IMPG1: variants seen among roughly 807,000 people sequenced by gnomAD.
IMPG1 encodes interphotoreceptor matrix proteoglycan 1.
In IMPG1, 85 loss-of-function variants were observed where a neutral mutation model predicts 92.0. The ratio of observed to expected loss-of-function variants is 0.92; its 90% CI spans 0.78 to 1.11. The LOEUF (loss-of-function observed/expected upper bound fraction) is 1.11, where lower values mean the gene tolerates loss of function less well. Among genes scored for constraint, IMPG1 ranks in the 50% least tolerant of loss-of-function variants. IMPG1 has a pLI of 0.00. For missense variants in IMPG1, 1,022 were observed against 956.0 expected (o/e 1.07, Z -0.91); for synonymous variants, 367 against 334.1 (o/e 1.10, Z -1.08).
chr6:75,980,581 A>G (rs1031999106), intron 12 of IMPG1, among the ~76,000 whole-genome samples: 1 of 152,198 alleles, frequency 6.6e-6, no homozygotes, highest in African/African-American at 2.4e-5. Flanking sequence ...TGACTTGCTG[A>G]GGCTTCTAGC....
At chr6:76,070,561 A>G (rs1582143877) in intron 1 of IMPG1, among the ~76,000 whole-genome samples, 1 of 152,334 alleles carries the variant, frequency 6.6e-6, no homozygotes, top group East Asian at 1.9e-4. Context: ...ATAGGGAATC[A>G]ACCCTAGTGA....
intron 12 of IMPG1, among the ~76,000 whole-genome samples, chr6:75,999,671 C>T (rs1485001845): frequency 6.6e-6 from 1 of 152,172 alleles, no homozygotes; most frequent in African/African-American, 2.4e-5. Context: ...GTCATTTCTA[C>T]TCCCATTTGG....
At chr6:75,947,617 A>G in intron 13 of IMPG1, 84 bp from the exon 14 acceptor site, 1 of 908,210 alleles carries the variant, frequency 1.1e-6, no homozygotes, top group Middle Eastern at 2.7e-4. Flanking sequence ...CTTTTCATTA[A>G]CCGAGACATA....
At chr6:76,062,051 C>T (rs534736581) in intron 1 of IMPG1, among the ~76,000 whole-genome samples, 1 of 152,238 alleles carries the variant, frequency 6.6e-6, no homozygotes, top group Admixed American at 6.5e-5. Context: ...TATTCTGTAT[C>T]TAGCACAGTA....
In IMPG1 at chr6:76,005,549, G is replaced by A. The variant is rs774392688; in HGVS notation, c.888-15C>T. 6.2e-7 allele frequency: 1 copy of A among 1,611,332 alleles called. No homozygotes were observed. The highest frequency in any genetic ancestry group is 2.2e-5 in the East Asian group (1 of 44,842). On this transcript the variant is annotated splice_polypyrimidine_tract_variant and intron_variant, in intron 9 of 16. Coordinates refer to ENST00000369950, the MANE Select transcript of IMPG1 (RefSeq NM_001563.4). The stretch of plus-strand genomic sequence containing the variant: ...TGGAGCTTGAGCTGTAGATAGCAGA[G>A]GACACATTCCCCACCCAAAGCCATT...
intron 12 of IMPG1, among the ~76,000 whole-genome samples, chr6:75,968,531 T>C (rs1458634098): frequency 6.6e-6 from 1 of 152,124 alleles, no homozygotes; most frequent in Non-Finnish European, 1.5e-5. Flanking sequence ...TTGTAAGATA[T>C]CTAAAATGAT....
intron 14 of IMPG1, among the ~76,000 whole-genome samples, chr6:75,931,787 A>G (rs986503042): frequency 2.0e-4 from 31 of 152,120 alleles, no homozygotes; most frequent in Admixed American, 1.2e-3. Flanking sequence ...TAATTGTTCT[A>G]TTTTACTCCA....
chr6:75,955,749 C>T (rs1241728484), intron 12 of IMPG1, among the ~76,000 whole-genome samples: 1 of 152,134 alleles, frequency 6.6e-6, no homozygotes, highest in Non-Finnish European at 1.5e-5. Context: ...TCATTAATAG[C>T]TCTTATTATT....
intron 10 of IMPG1, 44 bp from the exon 11 acceptor site, chr6:76,003,994 T>C (rs1435729088): frequency 1.4e-6 from 2 of 1,472,820 alleles, no homozygotes; most frequent in South Asian, 2.3e-5. Context: ...CTTTCCTTTT[T>C]CTTTTGTGGT....
chr6:76,025,987 C>T (rs1002168304), intron 4 of IMPG1, among the ~76,000 whole-genome samples: 33 of 152,130 alleles, frequency 2.2e-4, no homozygotes, highest in Non-Finnish European at 2.2e-4. Flanking sequence ...TCCAACTGGC[C>T]TGCCCTCAGG....
At chr6:75,926,728 C>CA (rs60208319) in intron 15 of IMPG1, among the ~76,000 whole-genome samples, 24,368 of 151,650 alleles carry the variant, frequency 0.16, 2,065 homozygotes, top group East Asian at 0.27. Flanking sequence ...CTGATTACAC[C>CA]AAAAAAAGGA....
chr6:76,028,238 C>A (rs535780790), intron 4 of IMPG1, among the ~76,000 whole-genome samples: 1 of 152,312 alleles, frequency 6.6e-6, no homozygotes, highest in Admixed American at 6.5e-5. Context: ...TATTCACAGA[C>A]AATTGCTGTC....
intron 12 of IMPG1, among the ~76,000 whole-genome samples, chr6:75,987,882 C>G (rs1782744996): frequency 6.6e-6 from 1 of 152,090 alleles, no homozygotes; most frequent in South Asian, 2.1e-4. Flanking sequence ...CTCCTGACCT[C>G]GTGATCCACC....
intron 12 of IMPG1, among the ~76,000 whole-genome samples, chr6:75,984,233 A>G (rs1294971934): frequency 6.6e-6 from 1 of 152,248 alleles, no homozygotes; most frequent in Non-Finnish European, 1.5e-5. Context: ...TACAAAGCAA[A>G]TACAATCAAT....
chr6:76,047,418 CTG>C (rs1232878550), intron 1 of IMPG1, among the ~76,000 whole-genome samples: 2 of 152,220 alleles, frequency 1.3e-5, no homozygotes, highest in African/African-American at 4.8e-5. Flanking sequence ...ACTGATTCAC[CTG>C]TATTCACTAA....
chr6:76,029,014 A>G (rs1357334186), intron 4 of IMPG1, among the ~76,000 whole-genome samples: 2 of 152,230 alleles, frequency 1.3e-5, no homozygotes, highest in African/African-American at 2.4e-5. Context: ...AAAATTGGGT[A>G]TTTTATCAAG....
chr6:75,943,730 C>G (rs564958559), intron 14 of IMPG1, among the ~76,000 whole-genome samples: 13 of 152,300 alleles, frequency 8.5e-5, no homozygotes, highest in African/African-American at 3.1e-4. Context: ...CATTGACCAG[C>G]CTGGAGGGAC....
chr6:75,990,692 A>C (rs1782800035), intron 12 of IMPG1, among the ~76,000 whole-genome samples: 1 of 152,176 alleles, frequency 6.6e-6, no homozygotes, highest in African/African-American at 2.4e-5. Flanking sequence ...CACTTTGAGC[A>C]GAAGTGCATA....
intron 12 of IMPG1, among the ~76,000 whole-genome samples, chr6:75,989,567 G>A (rs1285367443): frequency 1.3e-5 from 2 of 152,222 alleles, no homozygotes; most frequent in African/African-American, 4.8e-5. Context: ...TCTTGGCCGG[G>A]TATGGTGGCT....
Sources: gnomAD v4.1 joint callset for allele counts (sites outside exome capture counted in the v4.1 genomes callset) on GRCh38, gnomAD v4.1.1 for gene constraint, MANE v1.5 for transcripts, NCBI Gene and HGNC (gene_info 2026-07-23, HGNC 2026-07-21) for gene names.